Variants in FMN2 observed in about 807,000 individuals in gnomAD.
FMN2 encodes formin-2.
A neutral mutation model predicts 142.3 loss-of-function variants in FMN2; 51 were observed. The observed-to-expected ratio is 0.36, with a 90% CI of 0.29 to 0.45. The LOEUF (loss-of-function observed/expected upper bound fraction) is 0.45. Among genes scored for constraint, FMN2 ranks in the 20% least tolerant of loss-of-function variants. The pLI, the probability that FMN2 is intolerant of heterozygous loss-of-function variation, is 1.00. For missense variants in FMN2, 1,936 were observed against 2,122.8 expected, an observed-to-expected ratio of 0.91 and a Z score of 1.73; for synonymous variants, 882 against 869.8, an observed-to-expected ratio of 1.01 and a Z score of -0.25.
In FMN2 at chr1:240,112,592, T is replaced by C. The variant is rs76575753; in HGVS notation, c.1616-10587T>C. Among the ~76,000 whole-genome samples, 1,118 of 152,344 alleles carry C rather than the reference T, an allele frequency of 7.3e-3. 23 individuals are homozygous for C. The highest frequency in any genetic ancestry group is 0.032 in the East Asian group (165 of 5,192). On this transcript the variant is annotated intron_variant, in intron 1 of 17. Transcript: ENST00000319653. ...TCCTGCCCTTATCTTTATAGAGTTA[T>C]AAATTTCTCAGAAACTAGCATTTAT... is the stretch of plus-strand genomic sequence containing the variant.
chr1:240,165,636 T>A lies in FMN2; in HGVS notation c.1783-12285T>A, dbSNP rs933663636. Among the ~76,000 whole-genome samples the A allele has an allele frequency of 2.0e-5, 3 of 152,106 alleles. 1 individual carries two copies. Among genetic ancestry groups the A allele is most frequent in the Non-Finnish European group, 4.4e-5 (3 of 68,016 alleles). On this transcript the variant is annotated intron_variant, in intron 2 of 17. Coordinates refer to ENST00000319653, the MANE Select transcript of FMN2 (RefSeq NM_020066.5). ...ATTTATGTCTCCATTTTTCTATTTT[T>A]TTTTTTTATTTTATGCTGTGCAAAT... is the stretch of plus-strand genomic sequence containing the variant.
chr1:240,319,192 A>G (rs989652856), intron 8 of FMN2, among the ~76,000 whole-genome samples: 2 of 152,128 alleles, frequency 1.3e-5, no homozygotes, highest in Non-Finnish European at 1.5e-5. Flanking sequence ...AAGAAGATGT[A>G]ATGTAATCAA....
At chr1:240,143,620 C>T (rs754154401) in intron 2 of FMN2, 60 of 1,609,960 alleles carry the variant, frequency 3.7e-5, no homozygotes, top group Admixed American at 5.0e-5. Context: ...GGCAAAACTG[C>T]GGAATGGCTC....
intron 16 of FMN2, among the ~76,000 whole-genome samples, chr1:240,459,920 T>C (rs142588757): frequency 2.0e-5 from 3 of 152,234 alleles, no homozygotes; most frequent in East Asian, 1.9e-4. Context: ...TCAGTTTTCA[T>C]TGAGGATTTG....
At chr1:240,454,977 G>A (rs1458920871) in intron 16 of FMN2, among the ~76,000 whole-genome samples, 2 of 152,062 alleles carry the variant, frequency 1.3e-5, no homozygotes, top group Non-Finnish European at 2.9e-5. Flanking sequence ...AGTTAGCAAA[G>A]TGATGGTATT....
chr1:240,137,392 G>A (rs774509832), intron 2 of FMN2, among the ~76,000 whole-genome samples: 8 of 152,106 alleles, frequency 5.3e-5, no homozygotes, highest in South Asian at 4.1e-4. Flanking sequence ...AAGCAGCCAC[G>A]GACAATACGC....
chr1:240,180,097 G>T, intron 3 of FMN2: 1 of 971,694 alleles, frequency 1.0e-6, no homozygotes, highest in Non-Finnish European at 1.4e-6. Context: ...ATTTGATGTA[G>T]CTTGCAAAAT....
At chr1:240,142,965 A>C in intron 2 of FMN2, 1 of 1,594,978 alleles carries the variant, frequency 6.3e-7, no homozygotes, top group Non-Finnish European at 8.6e-7. Context: ...TTTGCCTAGA[A>C]TAATGTTTCG....
chr1:240,098,630 T>C (rs1211589133), intron 1 of FMN2, among the ~76,000 whole-genome samples: 3 of 152,196 alleles, frequency 2.0e-5, no homozygotes, highest in African/African-American at 7.2e-5. Context: ...CCCTAAATAC[T>C]GCCTTACTGG....
At chr1:240,161,616 G>A (rs1039681824) in intron 2 of FMN2, among the ~76,000 whole-genome samples, 9 of 152,066 alleles carry the variant, frequency 5.9e-5, no homozygotes, top group Non-Finnish European at 7.4e-5. Context: ...AAGCATTCTA[G>A]TATTTGTGCA....
intron 2 of FMN2, among the ~76,000 whole-genome samples, chr1:240,132,741 C>T (rs1000873646): frequency 3.9e-5 from 6 of 151,946 alleles, no homozygotes; most frequent in African/African-American, 7.3e-5. Flanking sequence ...TCAGGATGGA[C>T]GTGGAATACT....
rs771688332 is a variant in FMN2 at position 240,207,559 on chromosome 1, C to A, written c.2747C>A (p.Pro916His). 3.7e-6 allele frequency: 6 copies of A among 1,610,182 alleles called. No individual in the cohort carries two copies. In the African/African-American group the frequency reaches 6.7e-5, roughly 18 times the overall value. Residue 916 changes from proline (P) to histidine (H), a missense_variant, in exon 5 of 18, where the codon CCC (proline) becomes CAC (histidine). By Grantham distance (77) the Pro-to-His change is moderately conservative. Around this residue, in one of 8 missense-constraint regions of FMN2, gnomAD observed 478 missense variants for 462.8 expected, o/e 1.03. Transcript: ENST00000319653. ...EMLPPPPPPL[P>H]GAGIPPPPPL... The stretch of plus-strand genomic sequence containing the variant: ...CTGCCACCCCCTCCCCCTCCTCTTC[C>A]CGGAGCGGGCATACCTCCTCCGCCG...
At chr1:240,407,026 T>C (rs1416358352) in intron 15 of FMN2, among the ~76,000 whole-genome samples, 2 of 152,188 alleles carry the variant, frequency 1.3e-5, no homozygotes, top group Admixed American at 6.5e-5. Context: ...ATGCATCACA[T>C]GTGGGTAAAC....
chr1:240,204,280 A>T (rs1666241786), intron 4 of FMN2, among the ~76,000 whole-genome samples: 1 of 152,164 alleles, frequency 6.6e-6, no homozygotes, highest in African/African-American at 2.4e-5. Flanking sequence ...GTTTCCAGGG[A>T]AGAAGTAACA....
chr1:240,196,937 C>A (rs1318121381), intron 4 of FMN2, among the ~76,000 whole-genome samples: 2 of 152,140 alleles, frequency 1.3e-5, no homozygotes, highest in African/African-American at 2.4e-5. Context: ...TATTATGAAA[C>A]ATACATTTGG....
intron 13 of FMN2, among the ~76,000 whole-genome samples, chr1:240,345,293 C>A (rs1177335997): frequency 6.6e-6 from 1 of 152,172 alleles, no homozygotes; most frequent in Admixed American, 6.5e-5. Context: ...CTTTTCAAAT[C>A]ATGCTGAGAA....
chr1:240,317,865 G>A (rs1425826108), intron 8 of FMN2, among the ~76,000 whole-genome samples: 1 of 152,114 alleles, frequency 6.6e-6, no homozygotes, highest in Non-Finnish European at 1.5e-5. Flanking sequence ...ATTCTCAGCA[G>A]CAATATATGA....
At chr1:240,288,121 A>G (rs1669653072) in intron 7 of FMN2, among the ~76,000 whole-genome samples, 1 of 152,190 alleles carries the variant, frequency 6.6e-6, no homozygotes, top group Non-Finnish European at 1.5e-5. Context: ...GCCTTTCAGC[A>G]TTCGAGAAAG....
chr1:240,176,035 G>A (rs948721784), intron 2 of FMN2, among the ~76,000 whole-genome samples: 2 of 152,020 alleles, frequency 1.3e-5, no homozygotes, highest in South Asian at 2.1e-4. Flanking sequence ...TTTGATGCAC[G>A]GAAGTTTTAA....
Sources: allele counts gnomAD v4.1 joint callset (sites outside exome capture counted in the v4.1 genomes callset), GRCh38; gene constraint gnomAD v4.1.1; regional missense constraint gnomAD v4.1.1; transcripts MANE v1.5; gene names NCBI Gene and HGNC (gene_info 2026-07-23, HGNC 2026-07-21).